The following FBXW2 variants were observed in gnomAD, a reference collection of about 807,000 sequenced individuals.
FBXW2 encodes the protein F-box/WD repeat-containing protein 2.
FBXW2 carries 12 observed loss-of-function variants against 46.0 expected under a neutral mutation model. That is an observed-to-expected ratio of 0.26 (90% CI 0.17 to 0.42). The LOEUF (loss-of-function observed/expected upper bound fraction) is 0.42, where lower values mean the gene tolerates loss of function less well. Ranked by LOEUF, FBXW2 falls within the 10% of genes least tolerant of loss-of-function variation. The pLI is 1.00. For synonymous variants in FBXW2, 203 were observed against 209.6 expected (o/e 0.97, Z 0.27); for missense variants, 360 against 537.0 (o/e 0.67, Z 3.26).
chr9:120,762,784 C>T lies in FBXW2; in HGVS notation c.*1775G>A, dbSNP rs953373987. On this transcript the variant is annotated 3_prime_UTR_variant, in exon 8 of 8. Transcript: ENST00000608872. ...TCAGCAAGAAGGAATAACTCATGTT[C>T]CCAGACATAAGCTGTCACTGAGGTT... is the stretch of plus-strand genomic sequence containing the variant. 6 of 152,210 alleles carry T rather than the reference C, an allele frequency of 3.9e-5. No individual in the cohort carries two copies. The highest frequency in any genetic ancestry group is 5.9e-5 in the Non-Finnish European group (4 of 68,038). The allele number at this position is 152,210 out of a possible 1,614,324, so 9.4% of individuals were successfully genotyped here.
At chr9:120,789,397 T>C (rs150897346) in intron 2 of FBXW2, among the ~76,000 whole-genome samples, 86 of 152,346 alleles carry the variant, frequency 5.6e-4, no homozygotes, top group African/African-American at 1.9e-3. Context: ...CCTGTATTAG[T>C]GTCAACAGGT....
intron 5 of FBXW2, among the ~76,000 whole-genome samples, chr9:120,774,946 T>C (rs1180783924): frequency 2.0e-5 from 3 of 152,240 alleles, no homozygotes; most frequent in Non-Finnish European, 2.9e-5. Flanking sequence ...GGCCCGTGCA[T>C]GTATTGCACC....
intron 2 of FBXW2, chr9:120,792,809 T>C: frequency 9.8e-6 from 12 of 1,224,950 alleles, no homozygotes; most frequent in Non-Finnish European, 1.3e-5. Context: ...AAGCCTACAG[T>C]AAATGTCAGT....
At chr9:120,774,969 C>G (rs961011291) in intron 5 of FBXW2, among the ~76,000 whole-genome samples, 1 of 152,194 alleles carries the variant, frequency 6.6e-6, no homozygotes, top group Non-Finnish European at 1.5e-5. Context: ...CTGAAACAAT[C>G]TTTCAGCTAC....
At chr9:120,792,126 T>A (rs2044856892) in intron 2 of FBXW2, among the ~76,000 whole-genome samples, 1 of 152,136 alleles carries the variant, frequency 6.6e-6, no homozygotes, top group African/African-American at 2.4e-5. Context: ...GCTCAAGAAG[T>A]GGAGTGGCCT....
At position 120,761,199 on chromosome 9, in the gene FBXW2, A is replaced by G. The variant is rs1230493508; in HGVS notation, c.*3360T>C. On this transcript the variant is annotated 3_prime_UTR_variant, in exon 8 of 8. Transcript: ENST00000608872. ...AAATGATTGAGCTGGAGGAAACTAC[A>G]TTCCTTTGGAATGATGACAGAATCT... 2 of 152,226 alleles carry G rather than the reference A, an allele frequency of 1.3e-5. No individual in the cohort carries two copies. Among genetic ancestry groups the G allele is most frequent in the African/African-American group, 4.8e-5 (2 of 41,460 alleles). 9.4% of individuals were successfully genotyped at this position (152,226 alleles called of 1,614,324 possible). A position where few individuals can be genotyped will look rare whatever the true frequency, so the allele number is the denominator to read the frequency against.
rs367709305 is a variant in FBXW2 at position 120,778,415 on chromosome 9, A to C, written c.621T>G (p.Thr207=). 17 of 1,613,806 alleles carry C rather than the reference A, an allele frequency of 1.1e-5. No individual in the cohort carries two copies. Among genetic ancestry groups the C allele is most frequent in the Non-Finnish European group, 1.2e-5 (14 of 1,179,992 alleles). The change falls in exon 4 of 8, where the codon ACT becomes ACG. Residue 207 remains threonine (T), a synonymous_variant. Coordinates refer to ENST00000608872, the MANE Select transcript of FBXW2 (RefSeq NM_012164.4). ...QKLVTGSFDN[T]VACWEWSSGA... is the part of the protein sequence containing the mutation. ...CGGAACTCCATTCCCAGCAAGCCAC[A>C]GTGTTGTCAAAGGAGCCTGTCACAA...
intron 3 of FBXW2, among the ~76,000 whole-genome samples, chr9:120,784,281 C>CA (rs1015349542): frequency 6.6e-6 from 1 of 151,980 alleles, no homozygotes; most frequent in Non-Finnish European, 1.5e-5. Flanking sequence ...TACTACATTT[C>CA]AAAAATAAGG....
intron 3 of FBXW2, among the ~76,000 whole-genome samples, chr9:120,783,369 G>A (rs1466329421): frequency 6.6e-6 from 1 of 152,050 alleles, no homozygotes; most frequent in Admixed American, 6.6e-5. Context: ...ATGCAGCATA[G>A]AGGTGAAAGA....
intron 2 of FBXW2, 70 bp from the exon 3 acceptor site, chr9:120,788,348 A>C: frequency 6.4e-6 from 9 of 1,414,286 alleles, no homozygotes; most frequent in Non-Finnish European, 8.6e-6. Flanking sequence ...CTAACAAATG[A>C]AGTATTAAAA....
Position 120,788,284 on chromosome 9 carries a change from G to T in FBXW2, c.-20-6C>A. 6.2e-7 allele frequency: 1 copy of T among 1,606,748 alleles called. No homozygotes were observed. On this transcript the variant is annotated splice_region_variant and splice_polypyrimidine_tract_variant and intron_variant, in intron 2 of 7. Coordinates refer to ENST00000608872, the MANE Select transcript of FBXW2 (RefSeq NM_012164.4). The stretch of plus-strand genomic sequence containing the variant: ...AAGGTTATGGAAAAATTTACCTGTG[G>T]CACATCAAAATATTGTATTAGTTCT...
chr9:120,779,996 C>T (rs960832331), intron 3 of FBXW2, among the ~76,000 whole-genome samples: 28 of 151,952 alleles, frequency 1.8e-4, no homozygotes, highest in Middle Eastern at 3.4e-3. Context: ...AAAAATCAGC[C>T]GGGCATGATG....
At chr9:120,786,291 T>C (rs1354639631) in intron 3 of FBXW2, among the ~76,000 whole-genome samples, 2 of 152,194 alleles carry the variant, frequency 1.3e-5, no homozygotes. Flanking sequence ...CATGCTGTTC[T>C]CATGATAGTG....
chr9:120,762,768 AG>A lies in FBXW2; in HGVS notation c.*1790del, dbSNP rs1331019720. 6.6e-6 allele frequency: 1 copy of A among 152,268 alleles called. No homozygotes were observed. Among genetic ancestry groups the A allele is most frequent in the Non-Finnish European group, 1.5e-5 (1 of 68,048 alleles). The allele number at this position is 152,268 out of a possible 1,614,324, so 9.4% of individuals were successfully genotyped here. On this transcript the variant is annotated 3_prime_UTR_variant, in exon 8 of 8. Coordinates refer to ENST00000608872, the MANE Select transcript of FBXW2 (RefSeq NM_012164.4). ...ATGCTTTATACTGGAGTCAGCAAGA[AG>A]GAATAACTCATGTTCCCAGACATAA...
intron 4 of FBXW2, 174 bp from the exon 5 acceptor site, chr9:120,776,400 T>C (rs1327164080): frequency 1.5e-6 from 1 of 660,830 alleles, no homozygotes; most frequent in African/African-American, 1.8e-5. Flanking sequence ...ATTCTTACTA[T>C]TATAGCTTAT....
Position 120,778,352 on chromosome 9 carries a change from C to T in FBXW2, c.684G>A (p.Ala228=), listed in dbSNP as rs200239627. ...RTQHFRGHTG[A]VFSVDYNDEL... is the part of the protein sequence containing the mutation. ...AACCCTTGAAAAAGGGCAACCCACC[C>T]GCCCCCGTGTGCCCCCGAAAGTGCT... Residue 228 remains alanine (A), a splice_region_variant and synonymous_variant, in exon 4 of 8, where the codon GCG becomes GCA. Transcript: ENST00000608872. The T allele has an allele frequency of 8.1e-5, 131 of 1,611,372 alleles. No homozygotes were observed. The highest frequency in any genetic ancestry group is 9.7e-5 in the Non-Finnish European group (114 of 1,179,188).
chr9:120,792,762 G>T, intron 2 of FBXW2: 1 of 704,882 alleles, frequency 1.4e-6, no homozygotes, highest in Non-Finnish European at 2.1e-6. Context: ...ACAAGACAGT[G>T]CAAGTAAAGC....
intron 4 of FBXW2, 71 bp downstream of exon 4, chr9:120,778,280 T>C: frequency 7.4e-7 from 1 of 1,358,326 alleles, no homozygotes; most frequent in African/African-American, 1.5e-5. Flanking sequence ...AAAAAAGCAT[T>C]TCACATTCTT....
intron 7 of FBXW2, among the ~76,000 whole-genome samples, chr9:120,768,031 T>C (rs2044306143): frequency 6.6e-6 from 1 of 152,244 alleles, no homozygotes; most frequent in East Asian, 1.9e-4. Context: ...TCTAAACTCT[T>C]TGATGGCTCC....
Sources: allele counts gnomAD v4.1 joint callset (sites outside exome capture counted in the v4.1 genomes callset), GRCh38; gene constraint gnomAD v4.1.1; transcripts MANE v1.5; gene names NCBI Gene and HGNC (gene_info 2026-07-23, HGNC 2026-07-21).